The following QTMAN variants were observed in gnomAD, a reference collection of about 807,000 sequenced individuals.
The protein encoded by QTMAN is tRNA-queuosine alpha-mannosyltransferase.
At chr2:143,952,134 T>C in the QTMAN span, 2 of 923,874 alleles carry the variant, frequency 2.2e-6, no homozygotes, top group East Asian at 2.4e-5. Context: ...CACTCGATAT[T>C]AGTCACTTTA....
At chr2:144,181,881 C>T in the QTMAN span, among the ~76,000 whole-genome samples, 1 of 152,006 alleles carries the variant, frequency 6.6e-6, no homozygotes, top group Non-Finnish European at 1.5e-5. Flanking sequence ...ATTTAAAATG[C>T]AACATTCTAA....
the QTMAN span, among the ~76,000 whole-genome samples, chr2:144,025,619 G>A: frequency 6.6e-6 from 1 of 152,148 alleles, no homozygotes; most frequent in African/African-American, 2.4e-5. Flanking sequence ...AGAATAGGAG[G>A]TGATTAGAAG....
chr2:144,062,791 T>C, the QTMAN span, among the ~76,000 whole-genome samples: 1 of 152,200 alleles, frequency 6.6e-6, no homozygotes, highest in African/African-American at 2.4e-5. Context: ...TCAATTTCCA[T>C]AGAAGACCTG....
chr2:144,043,555 C>T, the QTMAN span, among the ~76,000 whole-genome samples: 1 of 151,958 alleles, frequency 6.6e-6, no homozygotes, highest in South Asian at 2.1e-4. Context: ...ATTCCTTGAA[C>T]CCGGGAGGCA....
At chr2:144,248,123 CG>C in the QTMAN span, among the ~76,000 whole-genome samples, 2 of 152,046 alleles carry the variant, frequency 1.3e-5, no homozygotes, top group Admixed American at 1.3e-4. Context: ...CAGTGTTTTA[CG>C]TAATAGTAAA....
At chr2:144,152,740 T>C in the QTMAN span, among the ~76,000 whole-genome samples, 1 of 152,234 alleles carries the variant, frequency 6.6e-6, no homozygotes, top group African/African-American at 2.4e-5. Flanking sequence ...ATCAGAACAC[T>C]GTAAAATCTT....
the QTMAN span, among the ~76,000 whole-genome samples, chr2:144,023,591 A>C: frequency 6.6e-6 from 1 of 152,242 alleles, no homozygotes; most frequent in Non-Finnish European, 1.5e-5. Flanking sequence ...CATTATTTGC[A>C]GAAGAGTTTT....
the QTMAN span, among the ~76,000 whole-genome samples, chr2:144,314,382 G>A: frequency 2.6e-5 from 4 of 152,160 alleles, no homozygotes; most frequent in African/African-American, 9.7e-5. Context: ...CTAGCTGTCT[G>A]TGGGGAGATG....
chr2:143,957,299 G>GCC, the QTMAN span: 1 of 1,608,002 alleles, frequency 6.2e-7, no homozygotes, highest in Admixed American at 1.7e-5. Context: ...CCCAGTGTAA[G>GCC]ACAGAAGATC....
chr2:143,972,356 C>T, the QTMAN span, among the ~76,000 whole-genome samples: 2 of 151,970 alleles, frequency 1.3e-5, no homozygotes, highest in Non-Finnish European at 2.9e-5. Flanking sequence ...GGAAATCTAG[C>T]CATTCAGTTC....
At chr2:144,212,694 T>C in the QTMAN span, among the ~76,000 whole-genome samples, 1 of 152,144 alleles carries the variant, frequency 6.6e-6, no homozygotes, top group African/African-American at 2.4e-5. Context: ...TTCAGATAAA[T>C]TTTAATCAAT....
the QTMAN span, among the ~76,000 whole-genome samples, chr2:144,094,138 T>G: frequency 6.6e-6 from 1 of 152,214 alleles, no homozygotes; most frequent in African/African-American, 2.4e-5. Context: ...AAACTGCGCA[T>G]TAAATGTCAA....
At chr2:144,181,692 T>C in the QTMAN span, among the ~76,000 whole-genome samples, 1 of 152,002 alleles carries the variant, frequency 6.6e-6, no homozygotes, top group Non-Finnish European at 1.5e-5. Flanking sequence ...ATGCCTGTAG[T>C]GTCAGCTTCT....
the QTMAN span, among the ~76,000 whole-genome samples, chr2:144,094,360 A>C: frequency 6.6e-6 from 1 of 152,234 alleles, no homozygotes; most frequent in Non-Finnish European, 1.5e-5. Flanking sequence ...GGAAAATACT[A>C]AGCAAATATA....
chr2:144,080,116 C>T, the QTMAN span, among the ~76,000 whole-genome samples: 3 of 152,142 alleles, frequency 2.0e-5, no homozygotes, highest in Non-Finnish European at 2.9e-5. Flanking sequence ...TAGATGTAAC[C>T]TCTCTGTCTA....
At chr2:144,017,902 T>TA in the QTMAN span, among the ~76,000 whole-genome samples, 1 of 152,318 alleles carries the variant, frequency 6.6e-6, no homozygotes, top group Non-Finnish European at 1.5e-5. Flanking sequence ...TATTAGTTCT[T>TA]ATACTTTAGC....
At chr2:143,981,824 G>T in the QTMAN span, among the ~76,000 whole-genome samples, 1 of 151,950 alleles carries the variant, frequency 6.6e-6, no homozygotes, top group Non-Finnish European at 1.5e-5. Context: ...ACATGTTCTT[G>T]TTGCTACATA....
At chr2:144,002,087 T>C in the QTMAN span, among the ~76,000 whole-genome samples, 5 of 152,042 alleles carry the variant, frequency 3.3e-5, no homozygotes, top group East Asian at 9.7e-4. Flanking sequence ...GCAAGAACAA[T>C]GGTGAATAAA....
chr2:144,293,506 T>C, the QTMAN span, among the ~76,000 whole-genome samples: 1 of 152,164 alleles, frequency 6.6e-6, no homozygotes, highest in East Asian at 1.9e-4. Flanking sequence ...ACTAATAACC[T>C]ATCCATGGTA....
Sources: allele counts gnomAD v4.1 joint callset (sites outside exome capture counted in the v4.1 genomes callset), GRCh38; gene constraint gnomAD v4.1.1; transcripts MANE v1.5; gene names NCBI Gene and HGNC (gene_info 2026-07-23, HGNC 2026-07-21).